SCML4: variants seen among roughly 807,000 people sequenced by gnomAD.
The protein encoded by SCML4 is sex comb on midleg-like protein 4.
Under a neutral mutation model 41.1 loss-of-function variants are expected in SCML4, and 34 were observed. The ratio of observed to expected loss-of-function variants is 0.83; its 90% CI spans 0.63 to 1.10. The LOEUF (loss-of-function observed/expected upper bound fraction) is 1.10, where lower values mean the gene tolerates loss of function less well. Among genes scored for constraint, SCML4 ranks in the 50% least tolerant of loss-of-function variants. The probability of loss-of-function intolerance (pLI) is 0.00; values close to 1 mark genes in which losing one functional copy is unlikely to be tolerated. For missense variants in SCML4, 522 were observed against 534.1 expected (o/e 0.98, Z 0.22); for synonymous variants, 214 against 220.9 (o/e 0.97, Z 0.28).
intron 5 of SCML4, among the ~76,000 whole-genome samples, chr6:107,737,323 C>T (rs1397930315): frequency 6.6e-6 from 1 of 152,142 alleles, no homozygotes; most frequent in Non-Finnish European, 1.5e-5. Context: ...TGCTTGCTGG[C>T]CATGGGGAGA....
At chr6:107,753,974 C>T (rs536457689) in intron 2 of SCML4, among the ~76,000 whole-genome samples, 22 of 152,270 alleles carry the variant, frequency 1.4e-4, no homozygotes, top group East Asian at 1.2e-3. Flanking sequence ...CTTCCAATTT[C>T]CCCAAGATAT....
the SCML4 span, among the ~76,000 whole-genome samples, chr6:107,844,109 C>T: frequency 6.6e-6 from 1 of 152,172 alleles, no homozygotes; most frequent in Middle Eastern, 3.4e-3. Context: ...AAGCTAGATG[C>T]TAGACAGAGG....
At chr6:107,809,526 A>C (rs1784001769) in intron 1 of SCML4, among the ~76,000 whole-genome samples, 1 of 152,232 alleles carries the variant, frequency 6.6e-6, no homozygotes, top group Non-Finnish European at 1.5e-5. Context: ...GGGAGAATGC[A>C]GAAAACTTTT....
intron 1 of SCML4, among the ~76,000 whole-genome samples, chr6:107,791,586 C>T (rs1376810884): frequency 6.6e-6 from 1 of 152,220 alleles, no homozygotes; most frequent in Non-Finnish European, 1.5e-5. Flanking sequence ...AAGCTAGTAA[C>T]ACTTATTAAA....
intron 1 of SCML4, among the ~76,000 whole-genome samples, chr6:107,788,654 G>T (rs560625804): frequency 6.6e-5 from 10 of 152,280 alleles, no homozygotes; most frequent in Admixed American, 2.6e-4. Flanking sequence ...GGGTGAAGCT[G>T]CTACCAACAC....
chr6:107,812,880 T>TACACACACACACACACACAC (rs141469245), intron 1 of SCML4, among the ~76,000 whole-genome samples: 4 of 141,344 alleles, frequency 2.8e-5, no homozygotes, highest in Admixed American at 7.1e-5. Context: ...CACAGACACA[T>TACACACACACACACACACAC]ACACACACAC....
intron 3 of SCML4, among the ~76,000 whole-genome samples, chr6:107,749,081 G>C (rs1313810992): frequency 6.6e-6 from 1 of 152,084 alleles, no homozygotes; most frequent in Non-Finnish European, 1.5e-5. Flanking sequence ...TGGGATGGGA[G>C]AGGGGCTGGG....
At chr6:107,751,618 CT>C (rs1209874349) in intron 2 of SCML4, among the ~76,000 whole-genome samples, 105 of 146,944 alleles carry the variant, frequency 7.1e-4, no homozygotes, top group Non-Finnish European at 1.2e-3. Context: ...TTCTTTCTTT[CT>C]TTCTTTCTTT....
Position 107,757,653 on chromosome 6 carries a change from T to C in SCML4, c.157-7840A>G, listed in dbSNP as rs151103140. Reference sequence around the variant, plus strand: ...GCCTGCCTTTCCTCATCTGTAAAGATAATAGCCCTCACACAGGGATGTAGT... The same window carrying C: ...GCCTGCCTTTCCTCATCTGTAAAGACAATAGCCCTCACACAGGGATGTAGT... On this transcript the variant is annotated intron_variant, in intron 2 of 7. Coordinates refer to ENST00000369020, the MANE Select transcript of SCML4 (RefSeq NM_198081.5). Among the ~76,000 whole-genome samples the C allele has an allele frequency of 7.0e-3, 1,062 of 152,328 alleles. 10 individuals carry two copies. Among genetic ancestry groups the C allele is most frequent in the African/African-American group, 0.024 (1,013 of 41,578 alleles).
rs1044168165 is a variant in SCML4, at chr6:107,702,919, A to T, written c.*2281T>A. Among the ~76,000 whole-genome samples, 15 of 152,234 alleles carry T rather than the reference A, an allele frequency of 9.9e-5. No homozygotes were observed. Among genetic ancestry groups the T allele is most frequent in the Non-Finnish European group, 2.1e-4 (14 of 68,038 alleles). On this transcript the variant is annotated 3_prime_UTR_variant, in exon 8 of 8. Coordinates refer to ENST00000369020, the MANE Select transcript of SCML4 (RefSeq NM_198081.5). The stretch of plus-strand genomic sequence containing the variant: ...ATGAGACAGGAGGTCAGCACAAGAT[A>T]TAGGTCATAAAGACCTTCTGATAAA...
chr6:107,716,285 C>T (rs1774783765), intron 6 of SCML4, among the ~76,000 whole-genome samples: 2 of 152,148 alleles, frequency 1.3e-5, no homozygotes, highest in African/African-American at 4.8e-5. Flanking sequence ...CCTTGAAAGC[C>T]ATCAGGCATG....
chr6:107,739,157 G>A (rs1777354232), intron 5 of SCML4, among the ~76,000 whole-genome samples: 1 of 152,122 alleles, frequency 6.6e-6, no homozygotes, highest in Non-Finnish European at 1.5e-5. Context: ...CTGGGGATCT[G>A]TTGTTTGAAA....
intron 5 of SCML4, among the ~76,000 whole-genome samples, chr6:107,724,259 G>A (rs560029173): frequency 7.9e-5 from 12 of 152,218 alleles, no homozygotes; most frequent in African/African-American, 2.4e-4. Flanking sequence ...AAAAAGAGAC[G>A]GTCCATTCCA....
chr6:107,836,702 C>T, the SCML4 span, among the ~76,000 whole-genome samples: 2 of 152,134 alleles, frequency 1.3e-5, no homozygotes, highest in South Asian at 4.1e-4. Context: ...TTGAATACAA[C>T]CAATTCATAT....
the SCML4 span, among the ~76,000 whole-genome samples, chr6:107,844,002 G>A: frequency 2.6e-5 from 4 of 152,030 alleles, no homozygotes; most frequent in Non-Finnish European, 5.9e-5. Context: ...AAGTTTAAAG[G>A]CAAAGAGAAA....
chr6:107,730,101 G>A (rs528259845), intron 5 of SCML4, among the ~76,000 whole-genome samples: 18 of 152,266 alleles, frequency 1.2e-4, no homozygotes, highest in African/African-American at 4.3e-4. Context: ...GAACTACTAG[G>A]AGCTTAAGAA....
At chr6:107,799,376 A>C (rs1782938768) in intron 1 of SCML4, among the ~76,000 whole-genome samples, 1 of 151,736 alleles carries the variant, frequency 6.6e-6, no homozygotes, top group African/African-American at 2.4e-5. Flanking sequence ...TGCTATAGTC[A>C]CTCCCTCTTT....
At chr6:107,764,775 G>T (rs560534969) in intron 2 of SCML4, among the ~76,000 whole-genome samples, 7 of 152,200 alleles carry the variant, frequency 4.6e-5, no homozygotes, top group Non-Finnish European at 8.8e-5. Context: ...GGAGGGACCC[G>T]GTGGGAGGTA....
At chr6:107,735,386 G>T (rs1045249904) in intron 5 of SCML4, among the ~76,000 whole-genome samples, 1 of 152,168 alleles carries the variant, frequency 6.6e-6, no homozygotes, top group Non-Finnish European at 1.5e-5. Context: ...AGGTGCAAAG[G>T]CATCTGCAGG....
Sources: gnomAD v4.1 joint callset for allele counts (sites outside exome capture counted in the v4.1 genomes callset) on GRCh38, gnomAD v4.1.1 for gene constraint, MANE v1.5 for transcripts, NCBI Gene and HGNC (gene_info 2026-07-23, HGNC 2026-07-21) for gene names.